HECW2: variants seen among roughly 807,000 people sequenced by gnomAD.
HECW2 encodes E3 ubiquitin-protein ligase HECW2.
In HECW2, 61 loss-of-function variants were observed where a neutral mutation model predicts 175.2. That is an observed-to-expected ratio of 0.35 (90% CI 0.28 to 0.43). The LOEUF is 0.43. Among genes scored for constraint, HECW2 ranks in the 20% least tolerant of loss-of-function variants. The pLI, the probability that HECW2 is intolerant of heterozygous loss-of-function variation, is 1.00. For missense variants in HECW2, 1,524 were observed against 2,000.5 expected (o/e 0.76, Z 4.54); for synonymous variants, 671 against 731.0 (o/e 0.92, Z 1.32).
intron 1 of HECW2, among the ~76,000 whole-genome samples, chr2:196,578,075 T>C (rs537858121): frequency 2.0e-5 from 3 of 152,240 alleles, no homozygotes; most frequent in African/African-American, 7.2e-5. Context: ...ATAGGCTATG[T>C]AATAGGTTCA....
rs370052088 is a variant in HECW2, at chr2:196,240,438, G to C, written c.3764+11C>G. ...CCTATGTTCCACAGGCCACTTCTCT[G>C]TTCTACTCACCCTTCCTCCCCAACG... is the stretch of plus-strand genomic sequence containing the variant. On this transcript the variant is annotated intron_variant, in intron 21 of 28. Transcript: ENST00000644978. 511 of 1,585,630 alleles carry C rather than the reference G, an allele frequency of 3.2e-4. 2 individuals are homozygous for C. Among genetic ancestry groups the C allele is most frequent in the Non-Finnish European group, 4.3e-4 (502 of 1,162,186 alleles).
chr2:196,322,710 A>C, intron 6 of HECW2, 90 bp from the exon 7 acceptor site: 1 of 1,174,006 alleles, frequency 8.5e-7, no homozygotes, highest in Admixed American at 2.1e-5. Context: ...GGTATCTCTT[A>C]AATTCTAACA....
At chr2:196,344,322 G>GGA (rs1692872368) in intron 2 of HECW2, among the ~76,000 whole-genome samples, 1 of 67,660 alleles carries the variant, frequency 1.5e-5, no homozygotes, top group Non-Finnish European at 2.5e-5. Context: ...GACAAGATAA[G>GGA]AAAAAAAAAA....
intron 2 of HECW2, among the ~76,000 whole-genome samples, chr2:196,419,945 G>A (rs1695364717): frequency 6.6e-6 from 1 of 152,152 alleles, no homozygotes; most frequent in Admixed American, 6.5e-5. Context: ...CAGCTTGTTT[G>A]TAGGTAAGGC....
At chr2:196,251,918 G>A (rs1688868166) in intron 19 of HECW2, among the ~76,000 whole-genome samples, 2 of 152,064 alleles carry the variant, frequency 1.3e-5, no homozygotes, top group African/African-American at 2.4e-5. Flanking sequence ...AATAGGGCTG[G>A]CTGGGCGTGG....
intron 18 of HECW2, among the ~76,000 whole-genome samples, chr2:196,254,309 T>A (rs1688968737): frequency 6.6e-6 from 1 of 152,158 alleles, no homozygotes; most frequent in African/African-American, 2.4e-5. Flanking sequence ...TGTTTGAAAA[T>A]CATACCTGGG....
chr2:196,348,653 AAAG>A (rs1466774482), intron 2 of HECW2, among the ~76,000 whole-genome samples: 1 of 152,184 alleles, frequency 6.6e-6, no homozygotes, highest in African/African-American at 2.4e-5. Flanking sequence ...AACTCAAAAA[AAAG>A]AACAATAACT....
Position 196,271,267 on chromosome 2 carries a change from T to C in HECW2, c.3261A>G (p.Ala1087=). Residue 1087 remains alanine, a synonymous_variant, in exon 17 of 29, where the codon GCA becomes GCG. Coordinates refer to ENST00000644978, the MANE Select transcript of HECW2 (RefSeq NM_001348768.2). The stretch of plus-strand genomic sequence containing the variant: ...CAAAGATATTGGGTTGACGTAGAAA[T>C]GCAACAATCTTGTCATTGTAAGCTG... The part of the protein sequence containing the change: ...VPVAYNDKIV[A]FLRQPNIFEI... 1 of 1,608,824 alleles carries C rather than the reference T, an allele frequency of 6.2e-7. No homozygotes were observed. The highest frequency in any genetic ancestry group is 8.5e-7 in the Non-Finnish European group (1 of 1,175,314).
chr2:196,313,470 A>AT, intron 10 of HECW2, among the ~76,000 whole-genome samples: 1 of 152,206 alleles, frequency 6.6e-6, no homozygotes, highest in East Asian at 1.9e-4. Flanking sequence ...GAACTTTCTT[A>AT]TTTTTTACGA....
chr2:196,215,612 C>T (rs555230344), intron 28 of HECW2, among the ~76,000 whole-genome samples: 1 of 152,150 alleles, frequency 6.6e-6, no homozygotes, highest in African/African-American at 2.4e-5. Context: ...ACCAACGTCG[C>T]TTTACTGATG....
chr2:196,229,161 G>C (rs1267159874), intron 21 of HECW2, among the ~76,000 whole-genome samples: 1 of 152,210 alleles, frequency 6.6e-6, no homozygotes, highest in East Asian at 1.9e-4. Context: ...AGATAGGGAA[G>C]GAATGCTGAA....
intron 14 of HECW2, among the ~76,000 whole-genome samples, chr2:196,281,724 A>G (rs892389146): frequency 2.0e-5 from 3 of 151,638 alleles, no homozygotes; most frequent in African/African-American, 4.9e-5. Flanking sequence ...GAGGGAAGCT[A>G]AAGACCCTAA....
chr2:196,320,568 C>T, intron 7 of HECW2, 129 bp from the exon 8 acceptor site: 1 of 578,786 alleles, frequency 1.7e-6, no homozygotes, highest in South Asian at 2.3e-5. Context: ...ACATTAAAGG[C>T]TCAAAGCCCA....
intron 1 of HECW2, among the ~76,000 whole-genome samples, chr2:196,487,396 G>A (rs539378022): frequency 9.2e-5 from 14 of 152,232 alleles, no homozygotes; most frequent in Admixed American, 1.3e-4. Flanking sequence ...GGTAATTATC[G>A]CTCCATCCCC....
intron 1 of HECW2, among the ~76,000 whole-genome samples, chr2:196,547,443 A>C (rs912764963): frequency 1.3e-5 from 2 of 152,364 alleles, no homozygotes; most frequent in Middle Eastern, 3.4e-3. Context: ...GAACACCTAA[A>C]AGGGCAAAGT....
chr2:196,259,118 C>T (rs1028558842), intron 17 of HECW2, among the ~76,000 whole-genome samples: 4 of 152,146 alleles, frequency 2.6e-5, no homozygotes, highest in African/African-American at 4.8e-5. Flanking sequence ...GGATTATAGG[C>T]ATGTGTCACC....
At chr2:196,458,248 G>A (rs1696592578) in intron 1 of HECW2, among the ~76,000 whole-genome samples, 1 of 152,128 alleles carries the variant, frequency 6.6e-6, no homozygotes, top group South Asian at 2.1e-4. Flanking sequence ...CCATCCCTAA[G>A]TGACAGAGCA....
chr2:196,423,474 C>T (rs550169017), intron 2 of HECW2, among the ~76,000 whole-genome samples: 10 of 152,008 alleles, frequency 6.6e-5, no homozygotes, highest in Non-Finnish European at 1.3e-4. Context: ...AGTTCATTGA[C>T]AAAAGTTATT....
At chr2:196,432,173 A>T (rs947974059) in intron 2 of HECW2, among the ~76,000 whole-genome samples, 1 of 152,088 alleles carries the variant, frequency 6.6e-6, no homozygotes, top group Admixed American at 6.5e-5. Context: ...AGGGGGCAAA[A>T]TCTTCCCTGG....
Sources: gnomAD v4.1 joint callset for allele counts (sites outside exome capture counted in the v4.1 genomes callset) on GRCh38, gnomAD v4.1.1 for gene constraint, MANE v1.5 for transcripts, NCBI Gene and HGNC (gene_info 2026-07-23, HGNC 2026-07-21) for gene names.